CACNA1H: variants seen among roughly 807,000 people sequenced by gnomAD.
The protein encoded by CACNA1H is calcium voltage-gated channel subunit alpha1 H.
In CACNA1H, 149 loss-of-function variants were observed where a neutral mutation model predicts 192.5. The ratio of observed to expected loss-of-function variants is 0.77; its 90% CI spans 0.68 to 0.89. The LOEUF (loss-of-function observed/expected upper bound fraction) is 0.89. Ranked by LOEUF, CACNA1H falls within the 40% of genes least tolerant of loss-of-function variation. The pLI, the probability that CACNA1H is intolerant of heterozygous loss-of-function variation, is 0.00. For synonymous variants in CACNA1H, 2,202 were observed against 1,475.2 expected, an observed-to-expected ratio of 1.49 and a Z score of -11.29; for missense variants, 4,257 against 3,423.5, an observed-to-expected ratio of 1.24 and a Z score of -6.08.
At chr16:1,216,412 AGT>A (rs1266630494) in intron 30 of CACNA1H, among the ~76,000 whole-genome samples, 1 of 152,074 alleles carries the variant, frequency 6.6e-6, no homozygotes, top group Non-Finnish European at 1.5e-5. Flanking sequence ...CCAGCGGGGC[AGT>A]GTGTGCAAAT....
chr16:1,185,629 G>T (rs1284749551), intron 2 of CACNA1H, among the ~76,000 whole-genome samples: 1 of 140,982 alleles, frequency 7.1e-6, no homozygotes, highest in African/African-American at 3.0e-5. Context: ...GGGGTACGTG[G>T]GGGGCGGGCG....
At chr16:1,200,219 G>C in intron 6 of CACNA1H, 37 bp from the exon 7 acceptor site, 5 of 1,543,770 alleles carry the variant, frequency 3.2e-6, no homozygotes, top group Non-Finnish European at 4.4e-6. Flanking sequence ...CCCTGACCCT[G>C]ATTGTACCTT....
At chr16:1,194,347 C>T (rs1028760059) in intron 2 of CACNA1H, among the ~76,000 whole-genome samples, 1 of 152,206 alleles carries the variant, frequency 6.6e-6, no homozygotes, top group Non-Finnish European at 1.5e-5. Flanking sequence ...GAAGGTCCCT[C>T]CTGGGTCCAC....
At position 1,221,153 on chromosome 16, in the gene CACNA1H, C is replaced by G. The variant is rs1044367441; in HGVS notation, c.*159C>G. 2 of 583,768 alleles carry G rather than the reference C, an allele frequency of 3.4e-6. No individual in the cohort carries two copies. Among genetic ancestry groups the G allele is most frequent in the East Asian group, 5.8e-5 (2 of 34,736 alleles). 36.2% of individuals were successfully genotyped at this position (583,768 alleles called of 1,614,324 possible). On this transcript the variant is annotated 3_prime_UTR_variant, in exon 35 of 35. Transcript: ENST00000348261. ...GCCCAGGCCCTGGTTCTCTGCCCAG[C>G]GAAGCAGGAGTAGCTGCCGGGCCCC...
At chr16:1,208,290 T>G in intron 16 of CACNA1H, 69 bp downstream of exon 16, 1 of 1,118,612 alleles carries the variant, frequency 8.9e-7, no homozygotes, top group South Asian at 1.3e-5. Flanking sequence ...CTTATGGCCT[T>G]CCCTGAAGAT....
intron 2 of CACNA1H, 84 bp downstream of exon 2, chr16:1,154,120 G>A (rs1473192751): frequency 5.9e-5 from 62 of 1,057,548 alleles, no homozygotes; most frequent in Admixed American, 4.5e-5. Context: ...CTCGGCATGC[G>A]CCCCCGCGCG....
chr16:1,153,618 C>A, intron 1 of CACNA1H, 102 bp from the exon 2 acceptor site: 1 of 710,112 alleles, frequency 1.4e-6, no homozygotes, highest in Non-Finnish European at 1.9e-6. Flanking sequence ...TAAGAAAAGA[C>A]AAAGACATCC....
rs762456183 is a variant in CACNA1H, at chr16:1,200,702, C to T, written c.1120-14C>T. On this transcript the variant is annotated splice_polypyrimidine_tract_variant and intron_variant, in intron 7 of 34. Transcript: ENST00000348261. ...GGGGTCGTGCGGGCCCAAGTCAAGC[C>T]ACTGCCCCCCCAGGTGATCACGCTG... 9 of 1,565,614 alleles carry T rather than the reference C, an allele frequency of 5.7e-6. No individual in the cohort carries two copies. Among genetic ancestry groups the T allele is most frequent in the South Asian group, 1.2e-5 (1 of 86,250 alleles).
chr16:1,210,577 CG>C lies in CACNA1H; in HGVS notation c.3970-4del. The C allele has an allele frequency of 1.2e-6, 2 of 1,609,406 alleles. No individual in the cohort carries two copies. Among genetic ancestry groups the C allele is most frequent in the Non-Finnish European group, 1.7e-6 (2 of 1,179,772 alleles). ...GACACAGCCCCCCACCGTCCTCTCC[CG>C]GCAGGAGCGGGTCTTCCTCAGCGTC... On this transcript the variant is annotated splice_polypyrimidine_tract_variant and splice_region_variant and intron_variant, in intron 19 of 34. Transcript: ENST00000348261.
In CACNA1H at chr16:1,211,848, G is replaced by A. The variant is rs59974684; in HGVS notation, c.4566+43G>A. 2,678 of 1,609,772 alleles carry A rather than the reference G, an allele frequency of 1.7e-3. 6 individuals are homozygous for A. Among genetic ancestry groups the A allele is most frequent in the Non-Finnish European group, 2.1e-3 (2,481 of 1,178,302 alleles). ...GAGCTGGGTCACCTCAGGGTCTCCC[G>A]CGAGCGGCTGCCTTGGCCTCTGGGG... On this transcript the variant is annotated intron_variant, in intron 24 of 34. Transcript: ENST00000348261.
rs369215879 is a variant in CACNA1H, at chr16:1,204,440, C to T, written c.2433C>T (p.Gly811=). The stretch of plus-strand genomic sequence containing the variant: ...TCCTTGTCAACACGCTGAGCATGGG[C>T]GTGGAGTACCATGAGCAGGTGCGGG... ...MAILVNTLSM[G]VEYHEQPEEL... is the part of the protein sequence containing the mutation. Residue 811 remains glycine, a synonymous_variant, in exon 10 of 35, where the codon GGC becomes GGT. Coordinates refer to ENST00000348261, the MANE Select transcript of CACNA1H (RefSeq NM_021098.3). 4.0e-5 allele frequency: 62 copies of T among 1,540,156 alleles called. No homozygotes were observed. In the Middle Eastern group the frequency reaches 7.0e-4, roughly 17 times the overall value.
intron 26 of CACNA1H, among the ~76,000 whole-genome samples, chr16:1,213,090 C>G (rs547203083): frequency 1.1e-4 from 16 of 152,242 alleles, no homozygotes; most frequent in Non-Finnish European, 2.2e-4. Flanking sequence ...CAGTGCACAC[C>G]TGCCTGGGGG....
intron 2 of CACNA1H, among the ~76,000 whole-genome samples, chr16:1,165,943 G>A (rs1053817726): frequency 5.9e-5 from 9 of 152,168 alleles, no homozygotes; most frequent in African/African-American, 1.9e-4. Context: ...CAAGAGTGGT[G>A]GGCACACCGG....
intron 5 of CACNA1H, among the ~76,000 whole-genome samples, chr16:1,197,481 A>G (rs1044198802): frequency 8.5e-5 from 13 of 152,122 alleles, no homozygotes; most frequent in African/African-American, 2.7e-4. Context: ...CCTCCTGGGG[A>G]TCTGCTCCTG....
At chr16:1,217,794 C>T (rs1199212549) in intron 31 of CACNA1H, 125 bp from the exon 32 acceptor site, 4 of 1,298,464 alleles carry the variant, frequency 3.1e-6, no homozygotes, top group Admixed American at 5.2e-5. Context: ...GCCAGGGCCT[C>T]GTCATCCACA....
chr16:1,188,496 G>A (rs544131020), intron 2 of CACNA1H, among the ~76,000 whole-genome samples: 32 of 152,170 alleles, frequency 2.1e-4, no homozygotes, highest in East Asian at 1.9e-4. Context: ...CAGCATCTTC[G>A]GCGCAGAGAT....
chr16:1,164,862 G>T (rs1963598490), intron 2 of CACNA1H, among the ~76,000 whole-genome samples: 1 of 152,210 alleles, frequency 6.6e-6, no homozygotes, highest in South Asian at 2.1e-4. Context: ...AGGTGTGGGT[G>T]AGCCCGTGGC....
rs568477205 is a variant in CACNA1H, at chr16:1,204,420, G to A, written c.2413G>A (p.Val805Ile). The A allele has an allele frequency of 1.3e-6, 2 of 1,550,692 alleles. No homozygotes were observed. Among genetic ancestry groups the A allele is most frequent in the Admixed American group, 3.8e-5 (2 of 52,490 alleles). ...FSRGIMMAIL[V>I]NTLSMGVEYH... ...CCGTGGCATCATGATGGCCATCCTT[G>A]TCAACACGCTGAGCATGGGCGTGGA... The change falls in exon 10 of 35, where the codon GTC (valine) becomes ATC (isoleucine). Residue 805 changes from valine to isoleucine, a missense_variant. By Grantham distance (29) the Val-to-Ile change is conservative. Transcript: ENST00000348261.
intron 14 of CACNA1H, among the ~76,000 whole-genome samples, 157 bp downstream of exon 14, chr16:1,207,587 A>T (rs1968891646): frequency 6.6e-6 from 1 of 151,994 alleles, no homozygotes; most frequent in African/African-American, 2.4e-5. Context: ...AGCCCAGCGG[A>T]GTGGGCAGGG....
Sources: gnomAD v4.1 joint callset for allele counts (sites outside exome capture counted in the v4.1 genomes callset) on GRCh38, gnomAD v4.1.1 for gene constraint, MANE v1.5 for transcripts, NCBI Gene and HGNC (gene_info 2026-07-23, HGNC 2026-07-21) for gene names.